Variants in POU6F2 observed in about 807,000 individuals in gnomAD.
POU6F2 encodes POU class 6 homeobox 2.
In POU6F2, 31 loss-of-function variants were observed where a neutral mutation model predicts 71.3. That is an observed-to-expected ratio of 0.43 (90% CI 0.33 to 0.59). The LOEUF is 0.59. POU6F2 is among the 20% of genes least tolerant of loss of function. The pLI is 0.04. For synonymous variants in POU6F2, 347 were observed against 355.7 expected (o/e 0.98, Z 0.27); for missense variants, 783 against 856.8 (o/e 0.91, Z 1.07).
intron 4 of POU6F2, among the ~76,000 whole-genome samples, chr7:39,325,620 C>G (rs1454744086): frequency 6.6e-6 from 1 of 152,140 alleles, no homozygotes; most frequent in African/African-American, 2.4e-5. Context: ...TGACAGATCA[C>G]TGGAAAATAA....
At chr7:39,410,515 G>A (rs1787529996) in intron 6 of POU6F2, among the ~76,000 whole-genome samples, 1 of 152,200 alleles carries the variant, frequency 6.6e-6, no homozygotes, top group Non-Finnish European at 1.5e-5. Flanking sequence ...AATCATGCAA[G>A]TGTGGCAGGT....
intron 4 of POU6F2, among the ~76,000 whole-genome samples, chr7:39,335,438 C>T (rs1785750388): frequency 6.6e-6 from 1 of 152,152 alleles, no homozygotes; most frequent in South Asian, 2.1e-4. Context: ...ATACCTGAGC[C>T]ACCTCTTCTC....
Position 39,399,230 on chromosome 7 carries a change from T to A in POU6F2, c.973-7370T>A, listed in dbSNP as rs796645411. ...TACTTCCCTTCTCTTCCCACCCAAATTTTTTTCCCTGTTAGCTATACTCCC... is the reference window on the plus strand; with the variant it reads ...TACTTCCCTTCTCTTCCCACCCAAAATTTTTTCCCTGTTAGCTATACTCCC... On this transcript the variant is annotated intron_variant, in intron 5 of 9. Transcript: ENST00000518318. Among the ~76,000 whole-genome samples the A allele has an allele frequency of 5.9e-5, 9 of 152,254 alleles. 1 individual carries two copies. Among genetic ancestry groups the A allele is most frequent in the African/African-American group, 1.9e-4 (8 of 41,550 alleles).
intron 2 of POU6F2, among the ~76,000 whole-genome samples, chr7:39,156,374 T>G (rs1792870586): frequency 6.6e-6 from 1 of 152,154 alleles, no homozygotes. Context: ...ATTTCACATG[T>G]TTTTTTCCCT....
intron 4 of POU6F2, among the ~76,000 whole-genome samples, chr7:39,298,907 C>T (rs1489513950): frequency 6.6e-6 from 1 of 152,040 alleles, no homozygotes; most frequent in Non-Finnish European, 1.5e-5. Context: ...AACACAGGAG[C>T]AGAAAACCAA....
intron 4 of POU6F2, among the ~76,000 whole-genome samples, chr7:39,244,162 A>T (rs1217955377): frequency 6.6e-6 from 1 of 151,162 alleles, no homozygotes; most frequent in African/African-American, 2.4e-5. Context: ...TATAAAAAAA[A>T]CATTTTTGTC....
intron 1 of POU6F2, among the ~76,000 whole-genome samples, chr7:39,034,100 G>GA (rs1157811290): frequency 1.3e-5 from 2 of 152,158 alleles, no homozygotes; most frequent in African/African-American, 4.8e-5. Context: ...ATGTTATATT[G>GA]AAGTATGCAT....
chr7:39,015,002 T>A (rs1018575423), intron 1 of POU6F2, among the ~76,000 whole-genome samples: 1 of 152,028 alleles, frequency 6.6e-6, no homozygotes, highest in South Asian at 2.1e-4. Context: ...ATGATCGTCT[T>A]CCTCCTCGTG....
At chr7:39,150,225 CTGTGTG>C (rs60761447) in intron 2 of POU6F2, among the ~76,000 whole-genome samples, 113 of 141,240 alleles carry the variant, frequency 8.0e-4, no homozygotes, top group Non-Finnish European at 1.4e-3. Context: ...AGTAATATGT[CTGTGTG>C]TGTGTGTGTG....
At chr7:39,431,162 G>A (rs189375881) in intron 6 of POU6F2, among the ~76,000 whole-genome samples, 3 of 152,164 alleles carry the variant, frequency 2.0e-5, no homozygotes, top group Non-Finnish European at 4.4e-5. Flanking sequence ...TGAGACTGCA[G>A]CCCTGCCACA....
At chr7:39,232,116 G>C (rs1453789214) in intron 4 of POU6F2, among the ~76,000 whole-genome samples, 3 of 152,052 alleles carry the variant, frequency 2.0e-5, no homozygotes, top group Non-Finnish European at 4.4e-5. Context: ...TCTCATTATA[G>C]AGATATAAAT....
At chr7:38,989,661 T>A (rs529899248) in intron 1 of POU6F2, among the ~76,000 whole-genome samples, 5 of 152,242 alleles carry the variant, frequency 3.3e-5, no homozygotes, top group African/African-American at 1.2e-4. Flanking sequence ...TTAACTCTCA[T>A]TTCTGCATAT....
At chr7:39,015,933 AATATATAGATATATATT>A (rs1250231344) in intron 1 of POU6F2, among the ~76,000 whole-genome samples, 1 of 39,924 alleles carries the variant, frequency 2.5e-5, no homozygotes, top group African/African-American at 8.8e-5. Context: ...AGATATATAT[AATATATAGATATATATT>A]ATATATTGTA....
chr7:39,070,404 T>G (rs1211455659), intron 1 of POU6F2, among the ~76,000 whole-genome samples: 1 of 150,832 alleles, frequency 6.6e-6, no homozygotes, highest in Non-Finnish European at 1.5e-5. Context: ...CCTCCACACT[T>G]CTGCTTTTGC....
chr7:39,064,026 A>T (rs553193675), intron 1 of POU6F2, among the ~76,000 whole-genome samples: 2 of 152,238 alleles, frequency 1.3e-5, no homozygotes, highest in South Asian at 4.1e-4. Context: ...GACAGATGAG[A>T]TGAATCAAAA....
At chr7:38,987,441 G>C (rs182132307) in intron 1 of POU6F2, among the ~76,000 whole-genome samples, 3 of 152,244 alleles carry the variant, frequency 2.0e-5, no homozygotes. Flanking sequence ...ATAGATGTAT[G>C]TTTCCAATGC....
At chr7:39,385,307 C>T (rs754096408) in intron 5 of POU6F2, among the ~76,000 whole-genome samples, 46 of 152,156 alleles carry the variant, frequency 3.0e-4, no homozygotes, top group Non-Finnish European at 5.9e-4. Flanking sequence ...TGTTTTTATT[C>T]ATTCAACAAA....
intron 4 of POU6F2, among the ~76,000 whole-genome samples, chr7:39,225,914 C>T (rs564351760): frequency 1.3e-5 from 2 of 151,350 alleles, no homozygotes; most frequent in South Asian, 2.1e-4. Context: ...AAATAGAATG[C>T]TTCAGGTCTC....
At chr7:38,991,828 T>C (rs1032590839) in intron 1 of POU6F2, among the ~76,000 whole-genome samples, 9 of 149,204 alleles carry the variant, frequency 6.0e-5, no homozygotes, top group Non-Finnish European at 1.0e-4. Flanking sequence ...GATGTTTCTT[T>C]TCCTTTCACT....
Sources: gnomAD v4.1 joint callset for allele counts (sites outside exome capture counted in the v4.1 genomes callset) on GRCh38, gnomAD v4.1.1 for gene constraint, MANE v1.5 for transcripts, NCBI Gene and HGNC (gene_info 2026-07-23, HGNC 2026-07-21) for gene names.